The following MYO5B variants were observed in gnomAD, a reference collection of about 807,000 sequenced individuals.
The protein encoded by MYO5B is myosin VB.
Under a neutral mutation model 229.3 loss-of-function variants are expected in MYO5B, and 143 were observed. That is an observed-to-expected ratio of 0.62 (90% confidence interval 0.54 to 0.72). The LOEUF (loss-of-function observed/expected upper bound fraction) is 0.72. Among genes scored for constraint, MYO5B ranks in the 30% least tolerant of loss-of-function variants. MYO5B has a pLI of 0.00. For synonymous variants in MYO5B, 918 were observed against 885.2 expected (o/e 1.04, Z -0.66); for missense variants, 2,321 against 2,331.0 (o/e 1.00, Z 0.09).
intron 1 of MYO5B, chr18:50,097,519 T>C: frequency 3.2e-6 from 1 of 308,292 alleles, no homozygotes; most frequent in Non-Finnish European, 6.4e-6. Context: ...TTTAAATCAT[T>C]GTCCTAAGGT....
chr18:50,035,895 A>G (rs2026442667), intron 4 of MYO5B, among the ~76,000 whole-genome samples: 1 of 152,220 alleles, frequency 6.6e-6, no homozygotes, highest in African/African-American at 2.4e-5. Context: ...ACAGCCAGCA[A>G]TAAAGCACTA....
intron 1 of MYO5B, among the ~76,000 whole-genome samples, chr18:50,185,743 C>CCA (rs2033139131): frequency 5.9e-5 from 9 of 152,176 alleles, no homozygotes; most frequent in Non-Finnish European, 7.3e-5. Context: ...AAACACATTA[C>CCA]AGTATATGGC....
rs144619035 is a variant in MYO5B, at chr18:50,140,608, C to G, written c.27+54159G>C. Among the ~76,000 whole-genome samples the G allele has an allele frequency of 1.4e-3, 208 of 152,318 alleles. No homozygotes were observed. In the East Asian group the frequency reaches 0.035, roughly 26 times the overall value. On this transcript the variant is annotated intron_variant, in intron 1 of 39. Coordinates refer to ENST00000285039, the MANE Select transcript of MYO5B (RefSeq NM_001080467.3). The stretch of plus-strand genomic sequence containing the variant: ...TGACATTTACAACCAAAGAGGCAAA[C>G]AGCCTCCAAAGGAATGAAAACCAAT...
At chr18:49,904,270 G>A (rs1472196660) in intron 20 of MYO5B, among the ~76,000 whole-genome samples, 1 of 152,176 alleles carries the variant, frequency 6.6e-6, no homozygotes, top group Admixed American at 6.5e-5. Context: ...AGAGCTGCTT[G>A]TTAAAAGAGC....
At chr18:49,987,986 TA>T (rs200418621) in intron 7 of MYO5B, among the ~76,000 whole-genome samples, 266 of 150,270 alleles carry the variant, frequency 1.8e-3, no homozygotes, top group Middle Eastern at 3.4e-3. Flanking sequence ...CATTGGACTT[TA>T]AAAAAAAAAT....
chr18:50,078,180 T>C (rs1041048340), intron 1 of MYO5B, among the ~76,000 whole-genome samples: 4 of 152,180 alleles, frequency 2.6e-5, no homozygotes, highest in African/African-American at 7.2e-5. Flanking sequence ...TTAAACTAAA[T>C]CCTTCCACAG....
At chr18:50,127,894 G>T (rs143004562) in intron 1 of MYO5B, among the ~76,000 whole-genome samples, 1 of 152,190 alleles carries the variant, frequency 6.6e-6, no homozygotes, top group Non-Finnish European at 1.5e-5. Flanking sequence ...GGGTAAAAGG[G>T]AACCCTGCCT....
chr18:49,854,841 G>C, intron 30 of MYO5B, among the ~76,000 whole-genome samples: 1 of 152,060 alleles, frequency 6.6e-6, no homozygotes, highest in East Asian at 1.9e-4. Context: ...GAGAGAGAGG[G>C]AAAGTCTACA....
intron 1 of MYO5B, among the ~76,000 whole-genome samples, chr18:50,123,927 T>C (rs1218004135): frequency 6.6e-6 from 1 of 152,198 alleles, no homozygotes; most frequent in African/African-American, 2.4e-5. Flanking sequence ...CACACACAGA[T>C]ACATGCCGTC....
intron 1 of MYO5B, among the ~76,000 whole-genome samples, chr18:50,151,918 T>C (rs771025878): frequency 6.6e-6 from 1 of 152,064 alleles, no homozygotes; most frequent in Non-Finnish European, 1.5e-5. Context: ...GCCTTCCCGC[T>C]CCAGGGATGC....
Position 50,109,036 on chromosome 18 carries a change from C to T in MYO5B, c.28-53658G>A, listed in dbSNP as rs774916369. Among the ~76,000 whole-genome samples the T allele has an allele frequency of 5.5e-4, 84 of 152,232 alleles. 1 individual carries two copies. Among genetic ancestry groups the T allele is most frequent in the Middle Eastern group, 3.4e-3 (1 of 294 alleles). On this transcript the variant is annotated intron_variant, in intron 1 of 39. Coordinates refer to ENST00000285039, the MANE Select transcript of MYO5B (RefSeq NM_001080467.3). ...TGATACCAAGACTAGCTAAATGGACCAGGACTAACTGAAAATTGGCACTGA... is the reference window on the plus strand; with the variant it reads ...TGATACCAAGACTAGCTAAATGGACTAGGACTAACTGAAAATTGGCACTGA...
At chr18:50,151,482 C>T (rs1276021386) in intron 1 of MYO5B, among the ~76,000 whole-genome samples, 1 of 152,150 alleles carries the variant, frequency 6.6e-6, no homozygotes, top group Non-Finnish European at 1.5e-5. Context: ...CTATTCAAAG[C>T]CTTCTTGGAT....
In MYO5B at chr18:49,963,733, T is replaced by C. The variant is rs1422289228; in HGVS notation, c.1323-703A>G. On this transcript the variant is annotated intron_variant, in intron 10 of 39. Coordinates refer to ENST00000285039, the MANE Select transcript of MYO5B (RefSeq NM_001080467.3). ...ATGAGCCACCACACCTGGCCTTACC[T>C]TCTATTATCATCATTTAACATTCCA... 3.3e-5 allele frequency among the ~76,000 whole-genome samples: 5 copies of C among 152,298 alleles called. 1 individual carries two copies. The highest frequency in any genetic ancestry group is 1.9e-4 in the East Asian group (1 of 5,178).
chr18:49,924,843 C>T (rs1363136892), intron 17 of MYO5B, among the ~76,000 whole-genome samples: 1 of 152,186 alleles, frequency 6.6e-6, no homozygotes, highest in African/African-American at 2.4e-5. Flanking sequence ...GCACCCATCC[C>T]TATAGATAAC....
chr18:49,848,292 G>C (rs1362087385), intron 32 of MYO5B, among the ~76,000 whole-genome samples: 1 of 152,132 alleles, frequency 6.6e-6, no homozygotes, highest in African/African-American at 2.4e-5. Flanking sequence ...TGGGATGAAG[G>C]GTGGGTGCTG....
At chr18:49,857,629 G>A (rs184658365) in intron 29 of MYO5B, among the ~76,000 whole-genome samples, 2 of 152,336 alleles carry the variant, frequency 1.3e-5, no homozygotes, top group African/African-American at 2.4e-5. Flanking sequence ...CCTTGGGACT[G>A]GGGTGCGTTA....
At chr18:49,999,000 T>C (rs953701238) in intron 5 of MYO5B, among the ~76,000 whole-genome samples, 4 of 152,242 alleles carry the variant, frequency 2.6e-5, no homozygotes, top group Admixed American at 6.5e-5. Context: ...TGGTAAACTT[T>C]ATGCTATGTG....
intron 4 of MYO5B, among the ~76,000 whole-genome samples, chr18:50,022,128 G>C (rs535340758): frequency 7.4e-6 from 1 of 135,326 alleles, no homozygotes; most frequent in South Asian, 2.8e-4. Context: ...TCAGCAAATA[G>C]AACTTCCATC....
intron 4 of MYO5B, among the ~76,000 whole-genome samples, chr18:50,014,765 G>T (rs1228117376): frequency 6.6e-6 from 1 of 152,156 alleles, no homozygotes; most frequent in Admixed American, 6.5e-5. Context: ...AAACATCTCG[G>T]CCCCAAGGGA....
Sources: gnomAD v4.1 joint callset for allele counts (sites outside exome capture counted in the v4.1 genomes callset) on GRCh38, gnomAD v4.1.1 for gene constraint, MANE v1.5 for transcripts, NCBI Gene and HGNC (gene_info 2026-07-23, HGNC 2026-07-21) for gene names.